The following CDH12 variants were observed in gnomAD, a reference collection of about 807,000 sequenced individuals.
CDH12 encodes the protein cadherin-12.
Under a neutral mutation model 74.1 loss-of-function variants are expected in CDH12, and 41 were observed. The ratio of observed to expected loss-of-function variants is 0.55; its 90% CI spans 0.43 to 0.72. The LOEUF (loss-of-function observed/expected upper bound fraction) is 0.72. Ranked by LOEUF, CDH12 falls within the 30% of genes least tolerant of loss-of-function variation. The pLI is 0.00. For missense variants in CDH12, 945 were observed against 977.2 expected (o/e 0.97, Z 0.44); for synonymous variants, 399 against 355.0 (o/e 1.12, Z -1.39).
intron 3 of CDH12, among the ~76,000 whole-genome samples, chr5:22,348,609 G>A (rs1740227075): frequency 6.6e-6 from 1 of 152,102 alleles, no homozygotes; most frequent in Admixed American, 6.5e-5. Context: ...ACTTGAAAAA[G>A]CAAGCATATT....
chr5:22,852,147 G>A (rs1737586260), intron 1 of CDH12, among the ~76,000 whole-genome samples: 1 of 152,182 alleles, frequency 6.6e-6, no homozygotes, highest in South Asian at 2.1e-4. Flanking sequence ...TACTCGATGA[G>A]AAATTGAGAA....
At chr5:22,046,430 C>CTTTTTTTTTTTTTTTTTTT (rs11323330) in intron 5 of CDH12, among the ~76,000 whole-genome samples, 2 of 100,418 alleles carry the variant, frequency 2.0e-5, no homozygotes, top group African/African-American at 8.6e-5. Context: ...CATTTAATTT[C>CTTTTTTTTTTTTTTTTTTT]TTTTTTTTTT....
chr5:22,339,583 G>A (rs1393726762), intron 3 of CDH12, among the ~76,000 whole-genome samples: 3 of 152,174 alleles, frequency 2.0e-5, no homozygotes, highest in Non-Finnish European at 2.9e-5. Context: ...CACAACCCTA[G>A]AGGAAATCAG....
At chr5:21,919,352 G>T (rs148795210) in intron 6 of CDH12, among the ~76,000 whole-genome samples, 89 of 152,102 alleles carry the variant, frequency 5.9e-4, no homozygotes, top group Admixed American at 1.6e-3. Context: ...AAAACTCAAA[G>T]ATTCAAATAG....
rs113686804 is a variant in CDH12 at position 21,866,315 on chromosome 5, A to G, written c.527-11525T>C. On this transcript the variant is annotated intron_variant, in intron 6 of 14. Transcript: ENST00000382254. ...AACTGGGTAACAAACAGAAGTTGGA[A>G]CAGATTGGAGGGCTCAGAAGAAGAC... Among the ~76,000 whole-genome samples, 874 of 152,312 alleles carry G rather than the reference A, an allele frequency of 5.7e-3. 13 individuals carry two copies. Among genetic ancestry groups the G allele is most frequent in the African/African-American group, 0.02 (838 of 41,572 alleles).
intron 1 of CDH12, among the ~76,000 whole-genome samples, chr5:22,561,667 A>G (rs1243075681): frequency 6.6e-6 from 1 of 152,174 alleles, no homozygotes; most frequent in Admixed American, 6.5e-5. Context: ...TTATATAGAA[A>G]GGCGAGGGCA....
rs71609776 is a variant in CDH12, at chr5:22,705,116, C to CATATATATAT, written c.-523+147932_-523+147941dup. On this transcript the variant is annotated intron_variant, in intron 1 of 14. Transcript: ENST00000382254. ...TCTCAGTCATATTTCCCCACCCAGT[C>CATATATATAT]ATATATATATATATACACACACACA... Among the ~76,000 whole-genome samples the CATATATATAT allele has an allele frequency of 2.7e-3, 346 of 126,100 alleles. 4 individuals carry two copies. Among genetic ancestry groups the CATATATATAT allele is most frequent in the South Asian group, 4.6e-3 (16 of 3,514 alleles). 82.7% of individuals were successfully genotyped at this position (126,100 alleles called of 152,430 possible).
intron 1 of CDH12, among the ~76,000 whole-genome samples, chr5:22,798,063 C>G (rs1311453264): frequency 1.3e-5 from 2 of 152,110 alleles, no homozygotes; most frequent in Non-Finnish European, 2.9e-5. Context: ...TTTCGCCTTC[C>G]TACTCTCCCT....
chr5:22,296,275 C>T (rs902253773), intron 3 of CDH12, among the ~76,000 whole-genome samples: 15 of 151,898 alleles, frequency 9.9e-5, no homozygotes, highest in Admixed American at 5.9e-4. Context: ...AACTAATTTG[C>T]TAATCTACCT....
intron 2 of CDH12, among the ~76,000 whole-genome samples, chr5:22,463,659 A>G (rs1374936263): frequency 1.3e-5 from 2 of 152,138 alleles, no homozygotes; most frequent in Non-Finnish European, 2.9e-5. Context: ...AAATAAGAAT[A>G]TTTAACGTTT....
intron 4 of CDH12, among the ~76,000 whole-genome samples, chr5:22,138,845 A>AATATATATATATAT (rs67115449): frequency 0.046 from 3,535 of 76,190 alleles, 299 homozygotes; most frequent in Middle Eastern, 0.065. Flanking sequence ...ATATATACGT[A>AATATATATATATAT]ATATATATAT....
At chr5:21,999,368 G>T (rs539852091) in intron 5 of CDH12, among the ~76,000 whole-genome samples, 1 of 152,198 alleles carries the variant, frequency 6.6e-6, no homozygotes, top group East Asian at 1.9e-4. Flanking sequence ...TTCAAAATGT[G>T]GGTCTAAAAG....
rs73053194 is a variant in CDH12, at chr5:21,751,436, G to C, written c.*301C>G. The C allele has an allele frequency of 6.6e-3, 1,855 of 279,224 alleles. 22 individuals carry two copies. Among genetic ancestry groups the C allele is most frequent in the African/African-American group, 0.026 (1,197 of 46,040 alleles). The allele number at this position is 279,224 out of a possible 1,614,324, so 17.3% of individuals were successfully genotyped here. The stretch of plus-strand genomic sequence containing the variant: ...TTCTAGGTTGTCATGTCAGTAAATT[G>C]TATTGAATAGGCCTGAGCTTGTCTC... On this transcript the variant is annotated 3_prime_UTR_variant, in exon 15 of 15. Transcript: ENST00000382254.
chr5:22,191,626 G>A (rs1284181131), intron 4 of CDH12, among the ~76,000 whole-genome samples: 2 of 64,474 alleles, frequency 3.1e-5, no homozygotes, highest in Admixed American at 1.9e-4. Context: ...GTGCAGTGGC[G>A]GGATCTCGGC....
intron 1 of CDH12, among the ~76,000 whole-genome samples, chr5:22,845,116 AG>A (rs1737244131): frequency 6.6e-6 from 1 of 152,160 alleles, no homozygotes; most frequent in Non-Finnish European, 1.5e-5. Context: ...TGAGTTGAAA[AG>A]ATAACCAATA....
chr5:22,631,860 T>A (rs1247204819), intron 1 of CDH12, among the ~76,000 whole-genome samples: 1 of 152,026 alleles, frequency 6.6e-6, no homozygotes, highest in Non-Finnish European at 1.5e-5. Context: ...AATAACCAGA[T>A]CTTGTGAGAA....
intron 1 of CDH12, among the ~76,000 whole-genome samples, chr5:22,681,228 G>T (rs1487423): frequency 0.37 from 38,687 of 105,464 alleles, 5,177 homozygotes; most frequent in Middle Eastern, 0.41. Context: ...GGTATTGGGG[G>T]GTGTGTGTGT....
chr5:21,974,639 AGCTACAAAAGAT>A (rs1179486747), intron 6 of CDH12, among the ~76,000 whole-genome samples: 2 of 152,190 alleles, frequency 1.3e-5, no homozygotes, highest in Non-Finnish European at 2.9e-5. Context: ...CTCTATTTAC[AGCTACAAAAGAT>A]GCATCACACC....
intron 3 of CDH12, among the ~76,000 whole-genome samples, chr5:22,373,357 C>T (rs940702257): frequency 1.3e-5 from 2 of 152,146 alleles, no homozygotes; most frequent in Admixed American, 6.5e-5. Flanking sequence ...CAGTGGGTTG[C>T]CCCCACAACT....
Sources: gnomAD v4.1 joint callset for allele counts (sites outside exome capture counted in the v4.1 genomes callset) on GRCh38, gnomAD v4.1.1 for gene constraint, MANE v1.5 for transcripts, NCBI Gene and HGNC (gene_info 2026-07-23, HGNC 2026-07-21) for gene names.